FAM110B: variants seen among roughly 807,000 people sequenced by gnomAD.
FAM110B encodes protein FAM110B.
A neutral mutation model predicts 20.4 loss-of-function variants in FAM110B; 6 were observed. That is an observed-to-expected ratio of 0.29 (90% CI 0.16 to 0.58). FAM110B has a LOEUF of 0.58. Ranked by LOEUF, FAM110B falls within the 20% of genes least tolerant of loss-of-function variation. FAM110B has a pLI of 0.90. For synonymous variants in FAM110B, 226 were observed against 214.1 expected (o/e 1.06, Z -0.49); for missense variants, 434 against 498.2 (o/e 0.87, Z 1.23).
At chr8:58,046,363 A>G (rs1403567554) in intron 2 of FAM110B, among the ~76,000 whole-genome samples, 1 of 152,212 alleles carries the variant, frequency 6.6e-6, no homozygotes, top group African/African-American at 2.4e-5. Flanking sequence ...TCATTTGCAC[A>G]TAGTTTTTGT....
Position 58,079,731 on chromosome 8 carries a change from C to T in FAM110B, c.-325+4108C>T, listed in dbSNP as rs551156112. ...AGGAGTTTGAGGCTGCAGTGAGCTA[C>T]GATCATGCCACTGCACTCCAGCCTA... On this transcript the variant is annotated intron_variant, in intron 3 of 3. Coordinates refer to ENST00000519262, the MANE Select transcript of FAM110B (RefSeq NM_001377989.1). Among the ~76,000 whole-genome samples the T allele has an allele frequency of 5.3e-5, 8 of 151,756 alleles. No homozygotes were observed. The East Asian group carries it at 1.2e-3, about 22-fold the overall frequency.
At position 57,994,747 on chromosome 8, in the gene FAM110B, C is replaced by T. The variant is rs999945993; in HGVS notation, c.-571C>T. 1 of 152,252 alleles carries T rather than the reference C, an allele frequency of 6.6e-6. No individual in the cohort carries two copies. The highest frequency in any genetic ancestry group is 2.4e-5 in the African/African-American group (1 of 41,416). 9.4% of individuals were successfully genotyped at this position (152,252 alleles called of 1,614,324 possible). A position where few individuals can be genotyped will look rare whatever the true frequency, so the allele number is the denominator to read the frequency against. On this transcript the variant is annotated 5_prime_UTR_variant, in exon 1 of 4. Transcript: ENST00000519262. ...GGCCCCGACTCTCCCTCCTTGCAGT[C>T]CCCCGGAGCCTGGCTCCCGGCTCGG... is the stretch of plus-strand genomic sequence containing the variant.
intron 3 of FAM110B, among the ~76,000 whole-genome samples, chr8:58,079,293 C>T (rs907750924): frequency 6.6e-6 from 1 of 152,144 alleles, no homozygotes; most frequent in African/African-American, 2.4e-5. Flanking sequence ...GAGGAAAGGG[C>T]ATTCTCTGGG....
chr8:58,147,945 C>G lies in FAM110B; in HGVS notation c.*602C>G, dbSNP rs1477752431. The stretch of plus-strand genomic sequence containing the variant: ...ACAATGCTACGTTTTGTGTCCGATT[C>G]AGTGTGTAAACGTTGGTGGTTCTAT... On this transcript the variant is annotated 3_prime_UTR_variant, in exon 4 of 4. Transcript: ENST00000519262. The G allele has an allele frequency of 5.9e-6, 1 of 168,814 alleles. No individual in the cohort carries two copies. Among genetic ancestry groups the G allele is most frequent in the Non-Finnish European group, 1.4e-5 (1 of 69,418 alleles). The allele number at this position is 168,814 out of a possible 1,614,324, so 10.5% of individuals were successfully genotyped here.
At chr8:58,145,591 G>A (rs577325805) in intron 3 of FAM110B, among the ~76,000 whole-genome samples, 1 of 152,360 alleles carries the variant, frequency 6.6e-6, no homozygotes, top group South Asian at 2.1e-4. Flanking sequence ...GCTGGGTTTT[G>A]AGCTGAGAAA....
intron 3 of FAM110B, among the ~76,000 whole-genome samples, chr8:58,116,032 G>A (rs1472740091): frequency 6.6e-6 from 1 of 152,082 alleles, no homozygotes; most frequent in Non-Finnish European, 1.5e-5. Flanking sequence ...TAGGCCCTGG[G>A]AATGCAGAAC....
At chr8:58,021,583 G>C (rs1356848879) in intron 1 of FAM110B, among the ~76,000 whole-genome samples, 1 of 152,046 alleles carries the variant, frequency 6.6e-6, no homozygotes, top group Non-Finnish European at 1.5e-5. Flanking sequence ...TTAGTAGTCA[G>C]AACAACCCAG....
At chr8:58,097,845 G>C (rs1253576934) in intron 3 of FAM110B, among the ~76,000 whole-genome samples, 1 of 152,190 alleles carries the variant, frequency 6.6e-6, no homozygotes, top group Non-Finnish European at 1.5e-5. Flanking sequence ...AGGTCTGCTG[G>C]AGGTCCACTC....
At chr8:58,004,209 C>T (rs1453997882) in intron 1 of FAM110B, among the ~76,000 whole-genome samples, 1 of 152,196 alleles carries the variant, frequency 6.6e-6, no homozygotes, top group Non-Finnish European at 1.5e-5. Flanking sequence ...GGATTGCTTG[C>T]CTGCCACTCA....
At chr8:58,013,026 C>G (rs1048896679) in intron 1 of FAM110B, among the ~76,000 whole-genome samples, 8 of 152,238 alleles carry the variant, frequency 5.3e-5, no homozygotes, top group African/African-American at 1.9e-4. Flanking sequence ...GTGCTTCCCC[C>G]CGGGCTGTCA....
intron 3 of FAM110B, among the ~76,000 whole-genome samples, chr8:58,140,055 G>A (rs1183710522): frequency 6.6e-6 from 1 of 152,128 alleles, no homozygotes; most frequent in Non-Finnish European, 1.5e-5. Flanking sequence ...GGGTGTGGAG[G>A]GACCACTGTA....
intron 3 of FAM110B, among the ~76,000 whole-genome samples, chr8:58,116,862 G>T (rs2150623831): frequency 6.6e-6 from 1 of 152,278 alleles, no homozygotes; most frequent in East Asian, 1.9e-4. Context: ...CAATTCTTGA[G>T]GCTGGAGAAC....
intron 3 of FAM110B, among the ~76,000 whole-genome samples, chr8:58,082,581 GTCTC>G (rs1270629838): frequency 1.3e-5 from 2 of 152,230 alleles, no homozygotes; most frequent in African/African-American, 4.8e-5. Flanking sequence ...AAATTTTTCT[GTCTC>G]TCTCTAATAG....
intron 3 of FAM110B, among the ~76,000 whole-genome samples, chr8:58,107,053 T>A (rs1806936868): frequency 6.6e-6 from 1 of 151,356 alleles, no homozygotes; most frequent in East Asian, 1.9e-4. Context: ...AGCCATAACC[T>A]CACAAAGCAG....
At chr8:58,096,782 A>C (rs1392715076) in intron 3 of FAM110B, among the ~76,000 whole-genome samples, 1 of 152,038 alleles carries the variant, frequency 6.6e-6, no homozygotes. Context: ...AAAGGATTTT[A>C]TTTCTCCTTT....
chr8:58,058,408 A>C (rs1048870815), intron 2 of FAM110B, among the ~76,000 whole-genome samples: 2 of 152,194 alleles, frequency 1.3e-5, no homozygotes, highest in Non-Finnish European at 2.9e-5. Context: ...AAGTGGCTTT[A>C]TTACAAACGT....
chr8:58,081,426 C>T (rs775410274), intron 3 of FAM110B, among the ~76,000 whole-genome samples: 7 of 152,110 alleles, frequency 4.6e-5, no homozygotes, highest in African/African-American at 9.7e-5. Flanking sequence ...ACGCTGGTCT[C>T]GAACTCCTGA....
intron 3 of FAM110B, among the ~76,000 whole-genome samples, chr8:58,139,322 A>C (rs141970179): frequency 1.3e-5 from 2 of 152,380 alleles, no homozygotes; most frequent in East Asian, 1.9e-4. Context: ...AGATTCAGGC[A>C]TCAGAATTAT....
At chr8:58,029,757 C>T (rs552609364) in intron 1 of FAM110B, among the ~76,000 whole-genome samples, 2 of 152,088 alleles carry the variant, frequency 1.3e-5, no homozygotes, top group Admixed American at 6.6e-5. Flanking sequence ...AGCAGATGAC[C>T]GTATGATCCC....
Sources: allele counts gnomAD v4.1 joint callset (sites outside exome capture counted in the v4.1 genomes callset), GRCh38; gene constraint gnomAD v4.1.1; transcripts MANE v1.5; gene names NCBI Gene and HGNC (gene_info 2026-07-23, HGNC 2026-07-21).